Variants in FRMPD4 observed in about 807,000 individuals in gnomAD.
The protein encoded by FRMPD4 is FERM and PDZ domain-containing protein 4.
FRMPD4 carries 22 observed loss-of-function variants against 94.1 expected under a neutral mutation model. The observed-to-expected ratio is 0.23, with a 90% CI of 0.17 to 0.33. The LOEUF (loss-of-function observed/expected upper bound fraction) is 0.33, where lower values mean the gene tolerates loss of function less well. Ranked by LOEUF, FRMPD4 falls within the 10% of genes least tolerant of loss-of-function variation. The probability of loss-of-function intolerance (pLI) is 1.00; values close to 1 mark genes in which losing one functional copy is unlikely to be tolerated. For synonymous variants in FRMPD4, 631 were observed against 548.6 expected, an observed-to-expected ratio of 1.15 and a Z score of -2.10; for missense variants, 1,111 against 1,339.9, an observed-to-expected ratio of 0.83 and a Z score of 2.67.
intron 3 of FRMPD4, among the ~76,000 whole-genome samples, chrX:11,985,717 A>G (rs1455124692): frequency 9.0e-6 from 1 of 111,093 alleles, no homozygotes; most frequent in African/African-American, 3.3e-5. Flanking sequence ...CTGACTGAAG[A>G]GCTCTTAGGT....
chrX:11,935,095 T>TTTAAA (rs869047289), intron 3 of FRMPD4, among the ~76,000 whole-genome samples: 1 of 49,000 alleles, frequency 2.0e-5, no homozygotes, highest in African/African-American at 5.9e-5. Context: ...TTTTTTTTTT[T>TTTAAA]AAATTTAACA....
chrX:11,868,176 C>T (rs1359067045), intron 2 of FRMPD4, among the ~76,000 whole-genome samples: 2 of 112,255 alleles, frequency 1.8e-5, no homozygotes, highest in Non-Finnish European at 3.8e-5. Flanking sequence ...AATGACTCAG[C>T]ACTTCTCCTG....
intron 1 of FRMPD4, among the ~76,000 whole-genome samples, chrX:12,435,142 GCTTA>G (rs1438003133): frequency 9.0e-6 from 1 of 111,331 alleles, no homozygotes; most frequent in Non-Finnish European, 1.9e-5. Context: ...TTAGATTCAT[GCTTA>G]CTTTATAGTT....
chrX:12,539,547 G>A lies in FRMPD4; in HGVS notation c.158+40751G>A, dbSNP rs2058380476. Among the ~76,000 whole-genome samples the A allele has an allele frequency of 2.7e-5, 3 of 111,812 alleles. No individual in the cohort carries two copies. In the Admixed American group the frequency reaches 2.8e-4, roughly 11 times the overall value. On this transcript the variant is annotated intron_variant, in intron 2 of 16. Transcript: ENST00000675598. ...TAAGGGCAGCCAGAAAGAAAGGTAG[G>A]GTTAACCAACAAAGGGAAGCCCATC... is the stretch of plus-strand genomic sequence containing the variant.
At chrX:12,139,610 G>A (rs971188533) in intron 1 of FRMPD4, among the ~76,000 whole-genome samples, 5 of 110,370 alleles carry the variant, frequency 4.5e-5, no homozygotes, top group Non-Finnish European at 9.5e-5. Flanking sequence ...CTTCTAAGTG[G>A]CCATGTTGTT....
At chrX:12,611,269 C>A (rs754323213) in intron 3 of FRMPD4, among the ~76,000 whole-genome samples, 1 of 111,847 alleles carries the variant, frequency 8.9e-6, no homozygotes, top group Non-Finnish European at 1.9e-5. Flanking sequence ...GGGGAATTAT[C>A]TTCCATGCCC....
rs1319998677 is a variant in FRMPD4, at chrX:12,694,361, G to T, written c.840G>T (p.Lys280Asn). 8.4e-7 allele frequency: 1 copy of T among 1,194,550 alleles called. No homozygotes were observed. The highest frequency in any genetic ancestry group is 2.2e-5 in the Admixed American group (1 of 46,026). Residue 280 changes from lysine (K) to asparagine (N), a missense_variant, in exon 9 of 17, where the codon AAG becomes AAT. Lys to Asn is a moderately conservative substitution (Grantham distance 94, BLOSUM62 0). Transcript: ENST00000675598. ...TGACACAGAGGCCCAGCTCCCATAA[G>T]ATGAGATGTCTTTTCCGAATTAGCT... ...TQVTQRPSSH[K>N]MRCLFRISFV...
At chrX:11,837,112 A>G (rs936563656) in intron 1 of FRMPD4, among the ~76,000 whole-genome samples, 3 of 112,145 alleles carry the variant, frequency 2.7e-5, no homozygotes, top group Non-Finnish European at 5.6e-5. Context: ...CCTTAAAATA[A>G]CAAATCACTT....
At chrX:12,715,998 G>GCCGGGGGGGCC in intron 14 of FRMPD4, 71 bp from the exon 15 acceptor site, 4 of 383,854 alleles carry the variant, frequency 1.0e-5, no homozygotes, top group East Asian at 4.2e-5. Context: ...ACAGAGACGA[G>GCCGGGGGGGCC]CCTCCCACCC....
chrX:12,387,266 T>G (rs1335843140), intron 1 of FRMPD4, among the ~76,000 whole-genome samples: 1 of 112,311 alleles, frequency 8.9e-6, no homozygotes, highest in Non-Finnish European at 1.9e-5. Flanking sequence ...CCACAAACAT[T>G]CTCAGGGCCA....
chrX:12,670,186 C>A (rs756966997), intron 4 of FRMPD4, among the ~76,000 whole-genome samples: 10 of 112,311 alleles, frequency 8.9e-5, no homozygotes, highest in Non-Finnish European at 1.7e-4. Flanking sequence ...TACCACCTTA[C>A]AGTTTTTTGT....
intron 1 of FRMPD4, among the ~76,000 whole-genome samples, chrX:11,824,154 T>A (rs749023896): frequency 9.0e-6 from 1 of 111,692 alleles, no homozygotes; most frequent in South Asian, 3.8e-4. Flanking sequence ...ACAATCTGAA[T>A]ATAAGGTGAC....
At chrX:12,503,019 T>C (rs1396163745) in intron 2 of FRMPD4, among the ~76,000 whole-genome samples, 2 of 112,287 alleles carry the variant, frequency 1.8e-5, no homozygotes, top group Admixed American at 9.4e-5. Flanking sequence ...TTTAGTTAAA[T>C]TGGGTAAAAA....
intron 14 of FRMPD4, among the ~76,000 whole-genome samples, chrX:12,712,695 G>A (rs978001523): frequency 1.3e-4 from 15 of 111,914 alleles, no homozygotes; most frequent in East Asian, 5.6e-4. Flanking sequence ...GGTGATAGGC[G>A]TGCACTGGGT....
chrX:11,918,951 T>C (rs1385045411), intron 3 of FRMPD4, among the ~76,000 whole-genome samples: 2 of 112,751 alleles, frequency 1.8e-5, no homozygotes, highest in Non-Finnish European at 3.8e-5. Flanking sequence ...TTCCCATCCA[T>C]GTAGACATGG....
intron 2 of FRMPD4, among the ~76,000 whole-genome samples, chrX:11,865,772 C>T (rs2053715027): frequency 1.8e-5 from 2 of 111,848 alleles, no homozygotes; most frequent in African/African-American, 6.5e-5. Context: ...AACTTTCACA[C>T]ACTTTGTTTT....
At chrX:12,265,974 AC>A (rs2054267040) in intron 1 of FRMPD4, among the ~76,000 whole-genome samples, 1 of 108,158 alleles carries the variant, frequency 9.2e-6, no homozygotes, top group African/African-American at 3.4e-5. Context: ...TAAAAAAAAT[AC>A]AAAAAAAATT....
At chrX:12,055,380 A>G (rs781064736) in intron 3 of FRMPD4, among the ~76,000 whole-genome samples, 6 of 111,240 alleles carry the variant, frequency 5.4e-5, no homozygotes, top group African/African-American at 2.0e-4. Context: ...TTCTTGTGAT[A>G]GTGAGTGAAT....
chrX:12,258,327 G>A (rs1394781050), intron 1 of FRMPD4, among the ~76,000 whole-genome samples: 1 of 110,208 alleles, frequency 9.1e-6, no homozygotes, highest in Non-Finnish European at 1.9e-5. Context: ...TGTGGAAGTG[G>A]GTTAGTTATT....
Sources: gnomAD v4.1 joint callset for allele counts (sites outside exome capture counted in the v4.1 genomes callset) on GRCh38, gnomAD v4.1.1 for gene constraint, MANE v1.5 for transcripts, NCBI Gene and HGNC (gene_info 2026-07-23, HGNC 2026-07-21) for gene names.